The following RAB7A variants were observed in gnomAD, a reference collection of about 807,000 sequenced individuals.
The protein encoded by RAB7A is ras-related protein Rab-7a.
A neutral mutation model predicts 24.5 loss-of-function variants in RAB7A; 2 were observed. That is an observed-to-expected ratio of 0.08 (90% CI 0.03 to 0.26). The LOEUF is 0.26. RAB7A is among the 10% of genes least tolerant of loss of function. The pLI is 1.00. For missense variants in RAB7A, 118 were observed against 255.7 expected, an observed-to-expected ratio of 0.46 and a Z score of 3.67; for synonymous variants, 100 against 95.9, an observed-to-expected ratio of 1.04 and a Z score of -0.25.
At chr3:128,765,485 G>A (rs1283773531) in intron 1 of RAB7A, among the ~76,000 whole-genome samples, 2 of 152,128 alleles carry the variant, frequency 1.3e-5, no homozygotes, top group African/African-American at 4.8e-5. Context: ...TAGTTCCTTT[G>A]GGCTATTGTT....
Position 128,785,622 on chromosome 3 carries a change from C to T in RAB7A, c.-8-9738C>T, listed in dbSNP as rs186508676. On this transcript the variant is annotated intron_variant, in intron 1 of 5. Coordinates refer to ENST00000265062, the MANE Select transcript of RAB7A (RefSeq NM_004637.6). ...AAAAATACAAAAAGGCGTGGTGGCT[C>T]GCACCTGCAGTCCTAGCTATTCGGG... 7.8e-3 allele frequency among the ~76,000 whole-genome samples: 1,184 copies of T among 151,644 alleles called. 55 individuals are homozygous for T. Among genetic ancestry groups the T allele is most frequent in the Admixed American group, 0.069 (1,048 of 15,196 alleles).
In RAB7A at chr3:128,793,761, A is replaced by G. The variant is rs532781314; in HGVS notation, c.-8-1599A>G. Among the ~76,000 whole-genome samples, 79 of 152,338 alleles carry G rather than the reference A, an allele frequency of 5.2e-4. 1 individual carries two copies. In the South Asian group the frequency reaches 0.015, roughly 29 times the overall value. Reference sequence around the variant, plus strand: ...AAGACAGAACTCCAAGTCATCTTATACTGCCCCTAACTAGCACTAGTAAGA... The same window carrying G: ...AAGACAGAACTCCAAGTCATCTTATGCTGCCCCTAACTAGCACTAGTAAGA... On this transcript the variant is annotated intron_variant, in intron 1 of 5. Coordinates refer to ENST00000265062, the MANE Select transcript of RAB7A (RefSeq NM_004637.6).
chr3:128,783,206 G>GC (rs1246007011), intron 1 of RAB7A, among the ~76,000 whole-genome samples: 30 of 52,098 alleles, frequency 5.8e-4, no homozygotes, highest in Middle Eastern at 0.013. Context: ...TTTATCCCCC[G>GC]CCCCCCCGCC....
chr3:128,793,798 G>A (rs539913753), intron 1 of RAB7A, among the ~76,000 whole-genome samples: 2 of 152,210 alleles, frequency 1.3e-5, no homozygotes, highest in Non-Finnish European at 2.9e-5. Flanking sequence ...CTTTCTAGAT[G>A]AATGCTGGTG....
chr3:128,782,030 T>G (rs1035520151), intron 1 of RAB7A, among the ~76,000 whole-genome samples: 1 of 152,258 alleles, frequency 6.6e-6, no homozygotes, highest in Middle Eastern at 3.4e-3. Context: ...AAACCCATGG[T>G]TGTGATCCTA....
intron 3 of RAB7A, among the ~76,000 whole-genome samples, chr3:128,800,657 T>C (rs1052541105): frequency 2.6e-5 from 4 of 152,172 alleles, no homozygotes; most frequent in African/African-American, 7.2e-5. Flanking sequence ...ACTGAGGCTG[T>C]CAGGTGACTC....
intron 2 of RAB7A, among the ~76,000 whole-genome samples, chr3:128,796,881 CT>C (rs1933588588): frequency 6.6e-6 from 1 of 152,102 alleles, no homozygotes; most frequent in Admixed American, 6.5e-5. Context: ...CCAGGCTGGT[CT>C]CAAACTCCTG....
intron 1 of RAB7A, among the ~76,000 whole-genome samples, chr3:128,770,402 C>T (rs2070874213): frequency 6.6e-6 from 1 of 152,194 alleles, no homozygotes; most frequent in Non-Finnish European, 1.5e-5. Flanking sequence ...GAGCTCAGTC[C>T]AAATCAGTGG....
chr3:128,758,266 G>GT (rs1261789868), intron 1 of RAB7A, among the ~76,000 whole-genome samples: 84 of 124,388 alleles, frequency 6.8e-4, no homozygotes, highest in East Asian at 2.8e-3. Flanking sequence ...CCCAGTGTTT[G>GT]TTTTTTTGTT....
intron 1 of RAB7A, among the ~76,000 whole-genome samples, chr3:128,740,333 A>G: frequency 6.6e-6 from 1 of 152,222 alleles, no homozygotes; most frequent in Non-Finnish European, 1.5e-5. Flanking sequence ...GTGAGCCGAG[A>G]TGGCGCCACT....
chr3:128,807,725 A>C, intron 5 of RAB7A, 54 bp downstream of exon 5: 3 of 1,612,664 alleles, frequency 1.9e-6, no homozygotes, highest in Non-Finnish European at 2.5e-6. Context: ...CCACTGACCC[A>C]GTCCCTGCCT....
At chr3:128,750,800 C>T (rs570581097) in intron 1 of RAB7A, among the ~76,000 whole-genome samples, 1 of 152,326 alleles carries the variant, frequency 6.6e-6, no homozygotes, top group East Asian at 1.9e-4. Context: ...GTCAGAGGTC[C>T]TCATGGCAGC....
intron 1 of RAB7A, among the ~76,000 whole-genome samples, chr3:128,754,050 T>C (rs967797699): frequency 2.6e-5 from 4 of 152,122 alleles, no homozygotes; most frequent in African/African-American, 9.7e-5. Context: ...AGATCTCCCT[T>C]CATGAAGGAA....
intron 1 of RAB7A, among the ~76,000 whole-genome samples, chr3:128,753,470 A>G (rs1272863410): frequency 6.6e-6 from 1 of 152,232 alleles, no homozygotes; most frequent in East Asian, 1.9e-4. Context: ...CCTCAATAAA[A>G]AATATTTTAA....
chr3:128,742,492 T>C (rs769383632), intron 1 of RAB7A, among the ~76,000 whole-genome samples: 2 of 152,190 alleles, frequency 1.3e-5, no homozygotes, highest in East Asian at 1.9e-4. Flanking sequence ...TTGGTCTGTT[T>C]TGACAGGATG....
intron 1 of RAB7A, among the ~76,000 whole-genome samples, chr3:128,762,781 A>G (rs1270270474): frequency 6.6e-6 from 1 of 151,996 alleles, no homozygotes; most frequent in Non-Finnish European, 1.5e-5. Context: ...TCAGAAAGCC[A>G]CTCCTCCTCT....
intron 3 of RAB7A, chr3:128,798,818 A>AT (rs139653746): frequency 2.2e-5 from 4 of 181,214 alleles, no homozygotes; most frequent in Non-Finnish European, 4.0e-5. Flanking sequence ...CTGTCTCTAA[A>AT]TTTAAAAAAA....
chr3:128,804,409 A>G (rs1933760352), intron 3 of RAB7A, among the ~76,000 whole-genome samples: 1 of 152,206 alleles, frequency 6.6e-6, no homozygotes, highest in East Asian at 1.9e-4. Context: ...TGCATAAGCT[A>G]ATACACTTTC....
Position 128,791,657 on chromosome 3 carries a change from G to A in RAB7A, c.-8-3703G>A, listed in dbSNP as rs533403410. 3.9e-5 allele frequency among the ~76,000 whole-genome samples: 6 copies of A among 152,280 alleles called. No individual in the cohort carries two copies. In the South Asian group the frequency reaches 1.2e-3, roughly 32 times the overall value. ...GTAAATTACATTTGGATGGGAAAGA[G>A]CCATGGATAAGTGATGGGCCACCCA... On this transcript the variant is annotated intron_variant, in intron 1 of 5. Transcript: ENST00000265062.
Sources: allele counts gnomAD v4.1 joint callset (sites outside exome capture counted in the v4.1 genomes callset), GRCh38; gene constraint gnomAD v4.1.1; transcripts MANE v1.5; gene names NCBI Gene and HGNC (gene_info 2026-07-23, HGNC 2026-07-21).